The following ADGRE1 variants were observed in gnomAD, a reference collection of about 807,000 sequenced individuals.
The protein encoded by ADGRE1 is adhesion G protein-coupled receptor E1.
ADGRE1 carries 82 observed loss-of-function variants against 102.7 expected under a neutral mutation model. The observed-to-expected ratio is 0.80, with a 90% CI of 0.67 to 0.96. The LOEUF (loss-of-function observed/expected upper bound fraction) is 0.96, where lower values mean the gene tolerates loss of function less well. Among genes scored for constraint, ADGRE1 ranks in the 40% least tolerant of loss-of-function variants. The pLI is 0.00. For missense variants in ADGRE1, 1,032 were observed against 1,085.3 expected, an observed-to-expected ratio of 0.95 and a Z score of 0.69; for synonymous variants, 398 against 399.6, an observed-to-expected ratio of 1.00 and a Z score of 0.05.
At position 6,896,273 on chromosome 19, in the gene ADGRE1, C is replaced by T. The variant is rs1192061101; in HGVS notation, c.95-125C>T. On this transcript the variant is annotated intron_variant, in intron 2 of 20. Coordinates refer to ENST00000312053, the MANE Select transcript of ADGRE1 (RefSeq NM_001974.5). ...CAGGTACCAGGGTTTAGGACTGTAA[C>T]GTATCTTTTGGGAGGAACACAATCC... is the stretch of plus-strand genomic sequence containing the variant. 4.8e-5 allele frequency: 44 copies of T among 907,976 alleles called. No individual in the cohort carries two copies. In the South Asian group the frequency reaches 5.3e-4, roughly 11 times the overall value. The allele number at this position is 907,976 out of a possible 1,614,324, so 56.2% of individuals were successfully genotyped here.
Position 6,926,359 on chromosome 19 carries a change from C to T in ADGRE1, c.1987-7C>T, listed in dbSNP as rs746146499. 1 of 1,613,576 alleles carries T rather than the reference C, an allele frequency of 6.2e-7. No homozygotes were observed. The highest frequency in any genetic ancestry group is 1.7e-5 in the Admixed American group (1 of 60,018). ...AGGATTCTGATGCGCATGCTTCTCC[C>T]CTCCAGATGGGCTGCGCCATCATCG... On this transcript the variant is annotated splice_region_variant and splice_polypyrimidine_tract_variant and intron_variant, in intron 15 of 20. Transcript: ENST00000312053.
intron 5 of ADGRE1, 32 bp from the exon 6 acceptor site, chr19:6,901,843 C>T: frequency 6.2e-7 from 1 of 1,611,810 alleles, no homozygotes; most frequent in Non-Finnish European, 8.5e-7. Flanking sequence ...TTCTCATTTA[C>T]CTTGACCTGG....
chr19:6,935,144 T>A (rs1188488860), intron 18 of ADGRE1, 66 bp downstream of exon 18: 1 of 1,333,014 alleles, frequency 7.5e-7, no homozygotes, highest in Non-Finnish European at 1.0e-6. Flanking sequence ...AAAAGTTCTT[T>A]GAGCACTTCT....
At chr19:6,919,984 C>T (rs1205728958) in intron 13 of ADGRE1, among the ~76,000 whole-genome samples, 3 of 152,062 alleles carry the variant, frequency 2.0e-5, no homozygotes, top group Admixed American at 1.3e-4. Flanking sequence ...ACCGAAGCAC[C>T]GGGTTTTTGT....
intron 17 of ADGRE1, 137 bp downstream of exon 17, chr19:6,928,348 G>A (rs752524500): frequency 7.1e-6 from 11 of 1,541,622 alleles, no homozygotes; most frequent in East Asian, 2.4e-5. Flanking sequence ...TTTCCAGGCC[G>A]GGCGTGGTGG....
intron 17 of ADGRE1, among the ~76,000 whole-genome samples, chr19:6,934,451 T>A (rs981558009): frequency 6.9e-6 from 1 of 145,422 alleles, no homozygotes; most frequent in Non-Finnish European, 1.5e-5. Context: ...AGACACAGTC[T>A]TGCTCTGTTG....
In ADGRE1 at chr19:6,937,645, G is replaced by A. The variant is rs1975479120; in HGVS notation, c.2652G>A (p.Lys884=). ...TGTCCTCCATGCCATCCGCTTCCAA[G>A]ACGGTGAGAGACTGCATGCTCCCTG... ...ILLSSMPSAS[K]TG The change falls in exon 20 of 21, where the codon AAG becomes AAA. Residue 884 remains lysine, a synonymous_variant. Transcript: ENST00000312053. 1 of 1,613,826 alleles carries A rather than the reference G, an allele frequency of 6.2e-7. No homozygotes were observed. The highest frequency in any genetic ancestry group is 8.5e-7 in the Non-Finnish European group (1 of 1,179,952).
intron 10 of ADGRE1, among the ~76,000 whole-genome samples, chr19:6,911,243 T>G (rs1974162635): frequency 6.6e-6 from 1 of 152,096 alleles, no homozygotes; most frequent in African/African-American, 2.4e-5. Context: ...ATTGAAATCC[T>G]TTTTTTCCTT....
chr19:6,889,685 CTCA>C (rs1973281329), intron 1 of ADGRE1, among the ~76,000 whole-genome samples: 1 of 87,788 alleles, frequency 1.1e-5, no homozygotes. Context: ...GAGACTCCAT[CTCA>C]AAAAAAAAAA....
intron 5 of ADGRE1, among the ~76,000 whole-genome samples, chr19:6,899,833 G>A (rs1231641670): frequency 1.3e-5 from 2 of 151,614 alleles, no homozygotes; most frequent in East Asian, 2.0e-4. Context: ...TGGCTCCTGC[G>A]TGTAATCTCA....
At chr19:6,923,743 G>A (rs1171331055) in intron 14 of ADGRE1, among the ~76,000 whole-genome samples, 1 of 151,612 alleles carries the variant, frequency 6.6e-6, no homozygotes, top group African/African-American at 2.4e-5. Context: ...TCGCCATGTT[G>A]GCCAGGCTGG....
rs769143262 is a variant in ADGRE1, at chr19:6,935,097, TC to T, written c.2381+26del. On this transcript the variant is annotated intron_variant, in intron 18 of 20. Transcript: ENST00000312053. Reference sequence around the variant, plus strand: ...ACACCAGGTAAAGCCCTCTTTCACCTCCCCCCCTCTTTTAATTTCCTCTTTC... The same window carrying T: ...ACACCAGGTAAAGCCCTCTTTCACCTCCCCCCTCTTTTAATTTCCTCTTTC... 4.7e-6 allele frequency: 7 copies of T among 1,476,286 alleles called. No homozygotes were observed. In the Admixed American group the frequency reaches 7.1e-5, roughly 15 times the overall value. 91.4% of individuals were successfully genotyped at this position (1,476,286 alleles called of 1,614,324 possible). A position where few individuals can be genotyped will look rare whatever the true frequency, so the allele number is the denominator to read the frequency against.
intron 11 of ADGRE1, 76 bp from the exon 12 acceptor site, chr19:6,916,173 C>T: frequency 2.0e-6 from 3 of 1,534,000 alleles, no homozygotes; most frequent in Non-Finnish European, 1.8e-6. Context: ...GGAGGTGTAC[C>T]TTTTTTTGGA....
At position 6,901,891 on chromosome 19, in the gene ADGRE1, A is replaced by G. The variant is rs1373997573; in HGVS notation, c.531A>G (p.Ala177=). 3.1e-6 allele frequency: 5 copies of G among 1,614,214 alleles called. No individual in the cohort carries two copies. The highest frequency in any genetic ancestry group is 4.2e-6 in the Non-Finnish European group (5 of 1,180,030). ...ACTCTTCAGACGTGGATGAATGTGC[A>G]GATCCAAGAGCTTGCCCAGAGCATG... ...NSTCEDVDEC[A]DPRACPEHAT... Residue 177 remains alanine (A), a synonymous_variant, in exon 6 of 21, where the codon GCA becomes GCG. Transcript: ENST00000312053.
chr19:6,901,231 G>A (rs10403916), intron 5 of ADGRE1, among the ~76,000 whole-genome samples: 16,037 of 152,238 alleles, frequency 0.11, 2,791 homozygotes, highest in African/African-American at 0.36. Context: ...GCAGTCCTCA[G>A]CTGTATTGTT....
At chr19:6,894,344 C>G (rs1765557142) in intron 2 of ADGRE1, among the ~76,000 whole-genome samples, 1 of 152,046 alleles carries the variant, frequency 6.6e-6, no homozygotes, top group Non-Finnish European at 1.5e-5. Context: ...TGAAGGTGGC[C>G]ATGAAGGAGC....
chr19:6,931,306 T>C (rs535585141), intron 17 of ADGRE1, among the ~76,000 whole-genome samples: 1 of 152,192 alleles, frequency 6.6e-6, no homozygotes, highest in Non-Finnish European at 1.5e-5. Flanking sequence ...AGATTTTTTT[T>C]AATGGGGGGC....
intron 6 of ADGRE1, among the ~76,000 whole-genome samples, chr19:6,902,872 G>A (rs1822468737): frequency 6.6e-6 from 1 of 152,228 alleles, no homozygotes; most frequent in South Asian, 2.1e-4. Context: ...GAGTAGCTGG[G>A]ATTACAGGTG....
In ADGRE1 at chr19:6,890,086, A is replaced by T. The variant is rs571516089; in HGVS notation, c.32-395A>T. On this transcript the variant is annotated intron_variant, in intron 1 of 20. Coordinates refer to ENST00000312053, the MANE Select transcript of ADGRE1 (RefSeq NM_001974.5). ...CACCACCACCCAGCTAATTTAAAAA[A>T]TTTTTTTTTTGTAGAGACAAAGTCT... Among the ~76,000 whole-genome samples the T allele has an allele frequency of 5.2e-3, 784 of 150,434 alleles. 12 individuals carry two copies. Among genetic ancestry groups the T allele is most frequent in the South Asian group, 0.021 (100 of 4,754 alleles).
Sources: allele counts gnomAD v4.1 joint callset (sites outside exome capture counted in the v4.1 genomes callset), GRCh38; gene constraint gnomAD v4.1.1; transcripts MANE v1.5; gene names NCBI Gene and HGNC (gene_info 2026-07-23, HGNC 2026-07-21).